SMG1: variants seen among roughly 807,000 people sequenced by gnomAD.
SMG1 encodes the protein serine/threonine-protein kinase SMG1.
In SMG1, 22 loss-of-function variants were observed where a neutral mutation model predicts 419.9. The ratio of observed to expected loss-of-function variants is 0.05; its 90% CI spans 0.04 to 0.07. SMG1 has a LOEUF of 0.07. Among genes scored for constraint, SMG1 ranks in the 10% least tolerant of loss-of-function variants. SMG1 has a pLI of 1.00. For missense variants in SMG1, 3,185 were observed against 4,342.0 expected (o/e 0.73, Z 7.49); for synonymous variants, 1,538 against 1,553.5 (o/e 0.99, Z 0.23).
intron 18 of SMG1, among the ~76,000 whole-genome samples, 167 bp from the exon 19 acceptor site, chr16:18,870,161 A>C (rs1265187975): frequency 4.6e-5 from 7 of 152,158 alleles, no homozygotes; most frequent in Admixed American, 4.6e-4. Flanking sequence ...TCCTTTTTTT[A>C]TTCACCTCAG....
chr16:18,848,931 C>T (rs2034424317), intron 36 of SMG1, among the ~76,000 whole-genome samples: 2 of 151,550 alleles, frequency 1.3e-5, no homozygotes, highest in South Asian at 2.1e-4. Flanking sequence ...ATTAGCTGGG[C>T]GTGGTGGCAC....
chr16:18,895,034 G>A (rs1197881280), intron 3 of SMG1, among the ~76,000 whole-genome samples: 1 of 151,984 alleles, frequency 6.6e-6, no homozygotes, highest in African/African-American at 2.4e-5. Context: ...AGCCAGGATG[G>A]TCTCGATCTC....
At chr16:18,838,983 C>CT (rs961532116) in intron 42 of SMG1, among the ~76,000 whole-genome samples, 24 of 151,528 alleles carry the variant, frequency 1.6e-4, no homozygotes, top group African/African-American at 5.3e-4. Flanking sequence ...ATTTTTTATT[C>CT]TTTTTTTTGT....
At chr16:18,845,778 A>AAG in intron 38 of SMG1, 127 bp from the exon 39 acceptor site, 3 of 724,592 alleles carry the variant, frequency 4.1e-6, no homozygotes, top group Non-Finnish European at 6.7e-6. Flanking sequence ...AAATAAAGCA[A>AAG]TAACATATTC....
intron 1 of SMG1, among the ~76,000 whole-genome samples, chr16:18,910,499 G>T (rs2141959078): frequency 6.6e-6 from 1 of 151,794 alleles, no homozygotes; most frequent in South Asian, 2.1e-4. Context: ...CAAAGTGCTG[G>T]GATTACAGGT....
intron 1 of SMG1, among the ~76,000 whole-genome samples, chr16:18,905,947 G>C (rs2037544019): frequency 6.6e-6 from 1 of 151,884 alleles, no homozygotes; most frequent in Non-Finnish European, 1.5e-5. Flanking sequence ...AGATTTCATT[G>C]TGTATCATTT....
intron 22 of SMG1, among the ~76,000 whole-genome samples, chr16:18,867,429 G>T (rs1482215254): frequency 1.3e-5 from 2 of 151,706 alleles, no homozygotes; most frequent in African/African-American, 4.8e-5. Flanking sequence ...AGGGACTGAG[G>T]CAAGAAGAGG....
chr16:18,877,189 T>C lies in SMG1; in HGVS notation c.1562A>G (p.Glu521Gly). 6.4e-7 allele frequency: 1 copy of C among 1,556,566 alleles called. No individual in the cohort carries two copies. Among genetic ancestry groups the C allele is most frequent in the South Asian group, 1.2e-5 (1 of 86,856 alleles). The change falls in exon 12 of 63, where the codon GAA (glutamate) becomes GGA (glycine). Residue 521 changes from glutamate to glycine, a missense_variant. Glu to Gly is a moderately conservative substitution (Grantham distance 98). Transcript: ENST00000446231. ...INTKLPSSFVEKLFIPSSKLL... is the reference protein window; with the variant it reads ...INTKLPSSFVGKLFIPSSKLL... ...TTTAGATGATGGTATAAACAGTTTT[T>C]CTACAAATGATGATGGCAGTTTCGT... is the stretch of plus-strand genomic sequence containing the variant.
intron 39 of SMG1, 137 bp from the exon 40 acceptor site, chr16:18,842,591 G>A (rs375404602): frequency 3.6e-5 from 27 of 755,196 alleles, no homozygotes; most frequent in Middle Eastern, 3.9e-4. Context: ...TTGGGAGGCC[G>A]AGGTAGGCAG....
chr16:18,809,306 A>AC lies in SMG1; in HGVS notation c.*262_*263insG, dbSNP rs1357054998. ...ACGTCTGCTGCTGTTCTGTGGCAGA[A>AC]AGACAATCTCCGTGTTCAGGCGGTG... is the stretch of plus-strand genomic sequence containing the variant. On this transcript the variant is annotated 3_prime_UTR_variant, in exon 63 of 63. Coordinates refer to ENST00000446231, the MANE Select transcript of SMG1 (RefSeq NM_015092.5). The AC allele has an allele frequency of 8.7e-6, 4 of 461,328 alleles. No homozygotes were observed. In the East Asian group the frequency reaches 1.5e-4, roughly 17 times the overall value. 28.6% of individuals were successfully genotyped at this position (461,328 alleles called of 1,614,324 possible).
At chr16:18,866,180 A>G in intron 23 of SMG1, 1 of 180,150 alleles carries the variant, frequency 5.6e-6, no homozygotes, top group Non-Finnish European at 1.2e-5. Context: ...ATTTTCCTAA[A>G]TTCGCAAGAT....
chr16:18,887,427 C>T (rs2036657727), intron 6 of SMG1, among the ~76,000 whole-genome samples: 1 of 151,462 alleles, frequency 6.6e-6, no homozygotes, highest in African/African-American at 2.4e-5. Flanking sequence ...GTAGCCTCAA[C>T]CTCCCAGGCA....
intron 26 of SMG1, among the ~76,000 whole-genome samples, chr16:18,859,970 G>A (rs2035127329): frequency 1.3e-5 from 2 of 152,196 alleles, no homozygotes. Context: ...TGTAATCCCA[G>A]CACTTTGGGA....
At chr16:18,837,529 A>C (rs2033652413) in intron 45 of SMG1, 86 bp from the exon 46 acceptor site, 1 of 1,186,394 alleles carries the variant, frequency 8.4e-7, no homozygotes, top group African/African-American at 1.5e-5. Context: ...TGCACATCCT[A>C]CTTAAATCTC....
Position 18,808,856 on chromosome 16 carries a change from ATT to A in SMG1, c.*711_*712del, listed in dbSNP as rs1329017373. ...AATATAAGGACTGAAATAAAAGTGA[ATT>A]TGAAAGATGGCTAATCTACTAGATT... On this transcript the variant is annotated 3_prime_UTR_variant, in exon 63 of 63. Transcript: ENST00000446231. 6.6e-5 allele frequency: 10 copies of A among 152,580 alleles called. No homozygotes were observed. The highest frequency in any genetic ancestry group is 1.5e-4 in the Non-Finnish European group (10 of 68,032). The allele number at this position is 152,580 out of a possible 1,614,324, so 9.5% of individuals were successfully genotyped here.
In SMG1 at chr16:18,867,309, A is replaced by G. The variant is rs551655326; in HGVS notation, c.3196-534T>C. Among the ~76,000 whole-genome samples, 65 of 152,236 alleles carry G rather than the reference A, an allele frequency of 4.3e-4. 1 individual carries two copies. The East Asian group carries it at 9.9e-3, about 23-fold the overall frequency. ...AGCACTTTGGAAGGCCGAGGTGGGC[A>G]GATCACTTGTGGTCAGGAGTTCGAG... is the stretch of plus-strand genomic sequence containing the variant. On this transcript the variant is annotated intron_variant, in intron 22 of 62. Transcript: ENST00000446231.
intron 60 of SMG1, among the ~76,000 whole-genome samples, chr16:18,812,633 T>TATATATATACACAC (rs1555483956): frequency 7.5e-6 from 1 of 132,894 alleles, no homozygotes; most frequent in Non-Finnish European, 1.7e-5. Flanking sequence ...TATATACACA[T>TATATATATACACAC]ATATATACAC....
intron 6 of SMG1, among the ~76,000 whole-genome samples, chr16:18,886,840 G>A (rs12443667): frequency 0.31 from 46,847 of 151,876 alleles, 7,954 homozygotes; most frequent in Non-Finnish European, 0.39. Context: ...TTTTGCAATA[G>A]CCAATGTTAT....
chr16:18,874,919 T>TTC lies in SMG1; in HGVS notation c.1890+1204_1890+1205insGA, dbSNP rs1555500043. Among the ~76,000 whole-genome samples the TTC allele has an allele frequency of 5.1e-4, 67 of 131,122 alleles. 1 individual carries two copies. Among genetic ancestry groups the TTC allele is most frequent in the East Asian group, 6.5e-4 (3 of 4,618 alleles). The allele number at this position is 131,122 out of a possible 152,430, so 86.0% of individuals were successfully genotyped here. ...AAAAAAAGCCTTTTTTTTTTTTTTT[T>TTC]CCCCTAAAAGAAGGACTACGGGTTG... On this transcript the variant is annotated intron_variant, in intron 13 of 62. Coordinates refer to ENST00000446231, the MANE Select transcript of SMG1 (RefSeq NM_015092.5).
Sources: gnomAD v4.1 joint callset for allele counts (sites outside exome capture counted in the v4.1 genomes callset) on GRCh38, gnomAD v4.1.1 for gene constraint, MANE v1.5 for transcripts, NCBI Gene and HGNC (gene_info 2026-07-23, HGNC 2026-07-21) for gene names.